The following WDR17 variants were observed in gnomAD, a reference collection of about 807,000 sequenced individuals.
WDR17 encodes the protein WD repeat domain 17, also known as WD repeat-containing protein 17.
Under a neutral mutation model 161.7 loss-of-function variants are expected in WDR17, and 143 were observed. That is an observed-to-expected ratio of 0.88 (90% CI 0.77 to 1.02). The LOEUF is 1.02. Among genes scored for constraint, WDR17 ranks in the 50% least tolerant of loss-of-function variants. The probability of loss-of-function intolerance (pLI) is 0.00; values close to 1 mark genes in which losing one functional copy is unlikely to be tolerated. For synonymous variants in WDR17, 517 were observed against 515.6 expected (o/e 1.00, Z -0.04); for missense variants, 1,469 against 1,520.9 (o/e 0.97, Z 0.57).
rs921348152 is a variant in WDR17, at chr4:176,112,916, C to T, written c.123+1213C>T. On this transcript the variant is annotated intron_variant, in intron 2 of 28. Transcript: ENST00000508596. Reference sequence around the variant, plus strand: ...AAAATTCTTTTCATTACTACATATTCGTACATTACTAATTGCATTATGCTT... The same window carrying T: ...AAAATTCTTTTCATTACTACATATTTGTACATTACTAATTGCATTATGCTT... Among the ~76,000 whole-genome samples the T allele has an allele frequency of 6.6e-5, 10 of 151,984 alleles. No individual in the cohort carries two copies. The South Asian group carries it at 1.2e-3, about 19-fold the overall frequency.
intron 17 of WDR17, among the ~76,000 whole-genome samples, chr4:176,152,799 G>A (rs999659529): frequency 2.7e-5 from 4 of 150,766 alleles, no homozygotes; most frequent in Non-Finnish European, 5.9e-5. Flanking sequence ...GCCCAGCATG[G>A]TGGCGTATTC....
intron 1 of WDR17, among the ~76,000 whole-genome samples, chr4:176,081,293 T>C (rs1214856384): frequency 1.3e-5 from 2 of 152,156 alleles, no homozygotes; most frequent in African/African-American, 4.8e-5. Flanking sequence ...CTTACCATGA[T>C]CTACATGACT....
intron 18 of WDR17, 59 bp downstream of exon 18, chr4:176,156,202 C>A: frequency 6.5e-7 from 1 of 1,532,170 alleles, no homozygotes; most frequent in South Asian, 1.2e-5. Flanking sequence ...AGAATAGAAG[C>A]AGTATATAAA....
intron 3 of WDR17, among the ~76,000 whole-genome samples, chr4:176,117,940 G>T (rs1740898050): frequency 6.6e-6 from 1 of 151,952 alleles, no homozygotes; most frequent in Non-Finnish European, 1.5e-5. Flanking sequence ...GTAGAAATTT[G>T]CATTAAGTGA....
At position 176,148,225 on chromosome 4, in the gene WDR17, A is replaced by G; in HGVS notation, c.1787A>G (p.Glu596Gly). Residue 596 changes from glutamate (E) to glycine (G), a missense_variant, in exon 13 of 29, where the codon GAG becomes GGG. Transcript: ENST00000508596. ...APVRGLMWNTEIPYLLISGSW... is the reference protein window; with the variant it reads ...APVRGLMWNTGIPYLLISGSW... ...GTGAGAGGATTAATGTGGAATACTG[A>G]GATTCCATATCTGCTCATATCTGGC... is the stretch of plus-strand genomic sequence containing the variant. 1 of 1,613,668 alleles carries G rather than the reference A, an allele frequency of 6.2e-7. No homozygotes were observed. Among genetic ancestry groups the G allele is most frequent in the East Asian group, 2.2e-5 (1 of 44,842 alleles).
intron 4 of WDR17, among the ~76,000 whole-genome samples, chr4:176,120,319 T>TATATAA (rs1491272016): frequency 2.5e-4 from 35 of 138,792 alleles, no homozygotes; most frequent in African/African-American, 8.4e-4. Context: ...TATATATATA[T>TATATAA]AATACATTCA....
At chr4:176,162,832 A>AT (rs1382529245) in intron 21 of WDR17, among the ~76,000 whole-genome samples, 4 of 152,090 alleles carry the variant, frequency 2.6e-5, no homozygotes, top group Non-Finnish European at 4.4e-5. Context: ...AAAAATTTAC[A>AT]TTTTTTTCTG....
At position 176,150,077 on chromosome 4, in the gene WDR17, G is replaced by C; in HGVS notation, c.2082G>C (p.Leu694=). 1.9e-6 allele frequency: 3 copies of C among 1,614,010 alleles called. No individual in the cohort carries two copies. The highest frequency in any genetic ancestry group is 2.5e-6 in the Non-Finnish European group (3 of 1,179,968). The change falls in exon 15 of 29, where the codon CTG becomes CTC. Residue 694 remains leucine, a synonymous_variant. Transcript: ENST00000508596. ...TAGAACCAGGCACTCCTCCTCTACT[G>C]TGTGGTAAAGTGTCAAGAGATATTA... The part of the protein sequence containing the change: ...YAIEPGTPPL[L]CGKVSRDIRQ...
chr4:176,131,754 TTCCTTTATTA>T lies in WDR17; in HGVS notation c.1098+18_1098+27del. 6.3e-7 allele frequency: 1 copy of T among 1,575,640 alleles called. No individual in the cohort carries two copies. The highest frequency in any genetic ancestry group is 2.3e-5 in the East Asian group (1 of 43,708). Reference sequence around the variant, plus strand: ...TAGAGACTTGGTATGTATGTAGTCATTCCTTTATTATACATAATAGTTTTTTGTGTAAACC... The same window carrying T: ...TAGAGACTTGGTATGTATGTAGTCATTACATAATAGTTTTTTGTGTAAACC... On this transcript the variant is annotated intron_variant, in intron 7 of 28. Transcript: ENST00000508596.
At chr4:176,124,035 C>T (rs553371485) in intron 4 of WDR17, among the ~76,000 whole-genome samples, 8 of 152,316 alleles carry the variant, frequency 5.3e-5, no homozygotes, top group South Asian at 2.1e-4. Flanking sequence ...ATATATTTTA[C>T]GATATCATAG....
Position 176,148,157 on chromosome 4 carries a change from T to C in WDR17, c.1719T>C (p.Thr573=). 3.1e-6 allele frequency: 5 copies of C among 1,613,976 alleles called. No homozygotes were observed. The highest frequency in any genetic ancestry group is 4.2e-6 in the Non-Finnish European group (5 of 1,179,940). ...DDGTVRIWDY[T]QDACINILNG... is the part of the protein sequence containing the mutation. Reference sequence around the variant, plus strand: ...GTACCGTTCGAATCTGGGATTATACTCAGGATGCTTGCATCAATATTCTTA... The same window carrying C: ...GTACCGTTCGAATCTGGGATTATACCCAGGATGCTTGCATCAATATTCTTA... The change falls in exon 13 of 29, where the codon ACT becomes ACC. Residue 573 remains threonine (T), a synonymous_variant. Transcript: ENST00000508596.
chr4:176,158,663 G>A (rs1748535845), intron 18 of WDR17, among the ~76,000 whole-genome samples: 6 of 152,210 alleles, frequency 3.9e-5, no homozygotes. Context: ...AGCTGTTTTG[G>A]TAGAAAGAAG....
intron 25 of WDR17, among the ~76,000 whole-genome samples, chr4:176,173,834 A>G (rs1223744225): frequency 6.6e-6 from 1 of 151,534 alleles, no homozygotes; most frequent in Non-Finnish European, 1.5e-5. Context: ...GTTTTTAAGA[A>G]AAAAAATGTA....
At chr4:176,162,209 A>G in intron 21 of WDR17, 35 bp downstream of exon 21, 2 of 1,583,218 alleles carry the variant, frequency 1.3e-6, no homozygotes, top group African/African-American at 2.7e-5. Context: ...GTGAATGAAA[A>G]GTTTTTTAGA....
At chr4:176,085,535 T>C (rs1735316742) in intron 1 of WDR17, among the ~76,000 whole-genome samples, 1 of 152,110 alleles carries the variant, frequency 6.6e-6, no homozygotes, top group Non-Finnish European at 1.5e-5. Flanking sequence ...TGGTAACTTG[T>C]ATTTCTTTTT....
At chr4:176,156,901 A>T (rs897243712) in intron 18 of WDR17, among the ~76,000 whole-genome samples, 2 of 151,962 alleles carry the variant, frequency 1.3e-5, no homozygotes, top group African/African-American at 4.8e-5. Flanking sequence ...TCTCTCCTTT[A>T]TCTGCACATG....
At chr4:176,136,725 A>T (rs1744473847) in intron 8 of WDR17, among the ~76,000 whole-genome samples, 1 of 151,588 alleles carries the variant, frequency 6.6e-6, no homozygotes, top group Non-Finnish European at 1.5e-5. Context: ...AAAAGAAAAA[A>T]AATGCAAATA....
At position 176,179,458 on chromosome 4, in the gene WDR17, AG is replaced by A; in HGVS notation, c.3734del. On this transcript the variant is annotated splice_acceptor_variant, in intron 28 of 28. Transcript: ENST00000508596. LOFTEE classifies it high-confidence loss of function. The stretch of plus-strand genomic sequence containing the variant: ...TCTCTTTCCTCAACTCTCACTGTGC[AG>A]GGCCCTGTGTTTTTCCTTGAAGACG... 1 of 1,594,072 alleles carries A rather than the reference AG, an allele frequency of 6.3e-7. No individual in the cohort carries two copies. Among genetic ancestry groups the A allele is most frequent in the Non-Finnish European group, 8.6e-7 (1 of 1,169,308 alleles).
chr4:176,168,638 C>G lies in WDR17; in HGVS notation c.2991-34C>G. The G allele has an allele frequency of 3.1e-6, 5 of 1,611,134 alleles. No individual in the cohort carries two copies. In the South Asian group the frequency reaches 5.5e-5, roughly 18 times the overall value. ...ATGAATGTTATTTTTAAATCTTCTC[C>G]TCAATGAAGTGTCCCCTTTTGTTAC... On this transcript the variant is annotated intron_variant, in intron 22 of 28. Coordinates refer to ENST00000508596, the MANE Select transcript of WDR17 (RefSeq NM_181265.4).
Sources: allele counts gnomAD v4.1 joint callset (sites outside exome capture counted in the v4.1 genomes callset), GRCh38; gene constraint gnomAD v4.1.1; transcripts MANE v1.5; gene names NCBI Gene and HGNC (gene_info 2026-07-23, HGNC 2026-07-21).